CACNA2D1: variants seen among roughly 807,000 people sequenced by gnomAD.
CACNA2D1 encodes the protein voltage-dependent calcium channel subunit alpha-2/delta-1.
CACNA2D1 carries 53 observed loss-of-function variants against 171.5 expected under a neutral mutation model. That is an observed-to-expected ratio of 0.31 (90% confidence interval 0.25 to 0.39). The LOEUF (loss-of-function observed/expected upper bound fraction) is 0.39, where lower values mean the gene tolerates loss of function less well. Among genes scored for constraint, CACNA2D1 ranks in the 10% least tolerant of loss-of-function variants. CACNA2D1 has a pLI of 1.00. For missense variants in CACNA2D1, 903 were observed against 1,299.8 expected (o/e 0.69, Z 4.69); for synonymous variants, 442 against 443.1 (o/e 1.00, Z 0.03).
chr7:82,293,760 A>G (rs191549058), intron 3 of CACNA2D1, among the ~76,000 whole-genome samples: 1 of 152,268 alleles, frequency 6.6e-6, no homozygotes, highest in East Asian at 1.9e-4. Context: ...AATATAATTT[A>G]TTTTAAACAC....
At chr7:82,207,229 T>G (rs1279810655) in intron 3 of CACNA2D1, among the ~76,000 whole-genome samples, 1 of 152,184 alleles carries the variant, frequency 6.6e-6, no homozygotes, top group Non-Finnish European at 1.5e-5. Flanking sequence ...GCTGAGCACA[T>G]GATCGCTCCC....
At chr7:82,103,821 A>G (rs938630593) in intron 6 of CACNA2D1, among the ~76,000 whole-genome samples, 4 of 152,202 alleles carry the variant, frequency 2.6e-5, no homozygotes, top group Admixed American at 2.6e-4. Context: ...AATTCTACTG[A>G]TCCATAAGAA....
rs993478264 is a variant in CACNA2D1, at chr7:81,974,638, TTTTA to T, written c.1956-90_1956-87del. On this transcript the variant is annotated intron_variant, in intron 24 of 38. Transcript: ENST00000356860. Reference sequence around the variant, plus strand: ...AGGTAGTGAAAACACTATTTTTTTTTTTTATTAGCCACAAGACTTTGCAAACTAT... The same window carrying T: ...AGGTAGTGAAAACACTATTTTTTTTTTTAGCCACAAGACTTTGCAAACTAT... 5 of 695,828 alleles carry T rather than the reference TTTTA, an allele frequency of 7.2e-6. No individual in the cohort carries two copies. In the African/African-American group the frequency reaches 9.2e-5, roughly 13 times the overall value. 43.1% of individuals were successfully genotyped at this position (695,828 alleles called of 1,614,324 possible).
intron 13 of CACNA2D1, among the ~76,000 whole-genome samples, chr7:82,014,009 G>A (rs1191293036): frequency 6.6e-6 from 1 of 151,686 alleles, no homozygotes; most frequent in African/African-American, 2.4e-5. Context: ...GAATGTATAA[G>A]GTAATATTTT....
chr7:81,977,159 C>T (rs368830318), intron 24 of CACNA2D1, among the ~76,000 whole-genome samples: 2 of 152,052 alleles, frequency 1.3e-5, no homozygotes, highest in African/African-American at 4.8e-5. Context: ...CCAGCTTTTG[C>T]CCATTCAGTA....
chr7:82,391,325 T>C (rs1366111563), intron 1 of CACNA2D1, among the ~76,000 whole-genome samples: 3 of 152,184 alleles, frequency 2.0e-5, no homozygotes, highest in African/African-American at 7.2e-5. Flanking sequence ...CAAAGGAAAT[T>C]CCTCATAATT....
At chr7:82,125,465 G>A (rs1790228170) in intron 5 of CACNA2D1, among the ~76,000 whole-genome samples, 1 of 152,134 alleles carries the variant, frequency 6.6e-6, no homozygotes, top group African/African-American at 2.4e-5. Context: ...CCTAAACTAG[G>A]AATCCAAATA....
chr7:81,977,933 A>G (rs969964411), intron 24 of CACNA2D1, among the ~76,000 whole-genome samples: 1 of 152,236 alleles, frequency 6.6e-6, no homozygotes, highest in African/African-American at 2.4e-5. Flanking sequence ...AAAGGATATG[A>G]ACAGACAGTT....
intron 20 of CACNA2D1, among the ~76,000 whole-genome samples, chr7:81,992,715 C>T (rs907287434): frequency 6.6e-6 from 1 of 152,076 alleles, no homozygotes; most frequent in Non-Finnish European, 1.5e-5. Context: ...ATCAAACGGA[C>T]AATTTTAAAC....
chr7:82,183,419 C>G (rs1273193047), intron 3 of CACNA2D1, among the ~76,000 whole-genome samples: 2 of 152,116 alleles, frequency 1.3e-5, no homozygotes, highest in East Asian at 3.9e-4. Context: ...CAAGTTTTCA[C>G]TTCAGTTATT....
chr7:81,991,858 G>T (rs961545500), intron 20 of CACNA2D1, among the ~76,000 whole-genome samples: 1 of 149,860 alleles, frequency 6.7e-6, no homozygotes, highest in Non-Finnish European at 1.5e-5. Context: ...TTTTTTAGAC[G>T]GAGTATCGCT....
intron 3 of CACNA2D1, among the ~76,000 whole-genome samples, chr7:82,217,394 C>CATATATATATATAT (rs6150191): frequency 0.021 from 2,101 of 101,982 alleles, 116 homozygotes; most frequent in African/African-American, 0.038. Flanking sequence ...CACACACATA[C>CATATATATATATAT]ATATATATAT....
intron 3 of CACNA2D1, among the ~76,000 whole-genome samples, chr7:82,190,588 T>C (rs1029378336): frequency 6.6e-6 from 1 of 151,738 alleles, no homozygotes; most frequent in African/African-American, 2.4e-5. Context: ...CCCTTACCCA[T>C]CATCCAACTG....
At position 81,964,059 on chromosome 7, in the gene CACNA2D1, G is replaced by A. The variant is rs760126352; in HGVS notation, c.2777C>T (p.Ala926Val). The change falls in exon 34 of 39, where the codon GCC becomes GTC. Residue 926 changes from alanine (A) to valine (V), a missense_variant. This residue lies in a region of CACNA2D1 where 623 missense variants were observed against 925.5 expected (regional missense o/e 0.67). Transcript: ENST00000356860. ...TAAAACTAAAATTTTGACTTACCAGGCAGCAGCAGTGGCCCACCAGCCAAT... is the reference window on the plus strand; with the variant it reads ...TAAAACTAAAATTTTGACTTACCAGACAGCAGCAGTGGCCCACCAGCCAAT... ...LQIGWWATAA[A>V]WSILQQFLLS... 13 of 1,611,050 alleles carry A rather than the reference G, an allele frequency of 8.1e-6. No homozygotes were observed. Among genetic ancestry groups the A allele is most frequent in the South Asian group, 1.1e-5 (1 of 90,994 alleles).
At chr7:82,347,801 T>C (rs761601054) in intron 2 of CACNA2D1, among the ~76,000 whole-genome samples, 1 of 151,014 alleles carries the variant, frequency 6.6e-6, no homozygotes, top group East Asian at 1.9e-4. Context: ...AATTAGAGAT[T>C]TTCTTTCATC....
At chr7:82,137,737 G>A (rs1438467627) in intron 4 of CACNA2D1, among the ~76,000 whole-genome samples, 4 of 82,208 alleles carry the variant, frequency 4.9e-5, no homozygotes, top group East Asian at 3.6e-4. Flanking sequence ...AAAATTAGCC[G>A]GGCGTGGTGG....
chr7:82,095,625 C>T (rs887623210), intron 6 of CACNA2D1, among the ~76,000 whole-genome samples: 1 of 152,152 alleles, frequency 6.6e-6, no homozygotes, highest in Non-Finnish European at 1.5e-5. Context: ...ACGCCATAAA[C>T]AGTAATAACT....
At chr7:82,111,585 C>G (rs1196502076) in intron 6 of CACNA2D1, among the ~76,000 whole-genome samples, 1 of 150,602 alleles carries the variant, frequency 6.6e-6, no homozygotes, top group South Asian at 2.1e-4. Context: ...GGAGCTGGGA[C>G]TATAGGCGCA....
At chr7:82,240,543 T>C (rs904899714) in intron 3 of CACNA2D1, among the ~76,000 whole-genome samples, 13 of 152,224 alleles carry the variant, frequency 8.5e-5, no homozygotes, top group Non-Finnish European at 1.3e-4. Flanking sequence ...TATTACTGAC[T>C]TGGCAGTATA....
Sources: gnomAD v4.1 joint callset for allele counts (sites outside exome capture counted in the v4.1 genomes callset) on GRCh38, gnomAD v4.1.1 for gene constraint, gnomAD v4.1.1 regional missense constraint, MANE v1.5 for transcripts, NCBI Gene and HGNC (gene_info 2026-07-23, HGNC 2026-07-21) for gene names.